The following KCNT1 variants were observed in gnomAD, a reference collection of about 807,000 sequenced individuals.
KCNT1 encodes potassium channel subfamily T member 1.
In KCNT1, 78 loss-of-function variants were observed where a neutral mutation model predicts 147.8. That is an observed-to-expected ratio of 0.53 (90% CI 0.44 to 0.64). The LOEUF (loss-of-function observed/expected upper bound fraction) is 0.64. Among genes scored for constraint, KCNT1 ranks in the 30% least tolerant of loss-of-function variants. The probability of loss-of-function intolerance (pLI) is 0.00; values close to 1 mark genes in which losing one functional copy is unlikely to be tolerated. For synonymous variants in KCNT1, 867 were observed against 748.8 expected, an observed-to-expected ratio of 1.16 and a Z score of -2.58; for missense variants, 1,419 against 1,750.3, an observed-to-expected ratio of 0.81 and a Z score of 3.38.
intron 21 of KCNT1, among the ~76,000 whole-genome samples, chr9:135,778,025 G>A (rs958101894): frequency 7.2e-6 from 1 of 138,452 alleles, no homozygotes; most frequent in Non-Finnish European, 1.6e-5. Context: ...TCCCACTCTG[G>A]TCCTCTCTCC....
At chr9:135,762,634 C>T (rs1831993118) in intron 11 of KCNT1, among the ~76,000 whole-genome samples, 1 of 152,106 alleles carries the variant, frequency 6.6e-6, no homozygotes, top group African/African-American at 2.4e-5. Flanking sequence ...GCTGTAGTCC[C>T]AGCTCCTCGG....
intron 18 of KCNT1, 104 bp downstream of exon 18, chr9:135,771,199 C>A: frequency 9.3e-7 from 1 of 1,080,662 alleles, no homozygotes; most frequent in Non-Finnish European, 1.3e-6. Context: ...CCAGGCAGGA[C>A]AGGGGGAGGT....
At chr9:135,705,227 C>T (rs764977925) in intron 1 of KCNT1, among the ~76,000 whole-genome samples, 25 of 152,184 alleles carry the variant, frequency 1.6e-4, no homozygotes, top group Non-Finnish European at 1.6e-4. Flanking sequence ...GCTTTTTGTC[C>T]TGCTTCCCCG....
rs145386249 is a variant in KCNT1, at chr9:135,775,740, C to CA, written c.2349+325_2349+326insA. 0.036 allele frequency among the ~76,000 whole-genome samples: 5,449 copies of CA among 152,260 alleles called. 138 individuals are homozygous for CA. Among genetic ancestry groups the CA allele is most frequent in the Middle Eastern group, 0.11 (31 of 294 alleles). The stretch of plus-strand genomic sequence containing the variant: ...CGTTCCCAAAGATCAAGAACCATCT[C>CA]GTAACTACAGCTCATTAGGACAGGG... On this transcript the variant is annotated intron_variant, in intron 20 of 30. Coordinates refer to ENST00000371757, the MANE Select transcript of KCNT1 (RefSeq NM_020822.3).
chr9:135,743,074 G>A (rs1830646792), intron 2 of KCNT1, among the ~76,000 whole-genome samples: 1 of 152,294 alleles, frequency 6.6e-6, no homozygotes, highest in Middle Eastern at 3.4e-3. Flanking sequence ...AGCCTCAGGA[G>A]AGGCGGATGG....
chr9:135,704,476 GC>G (rs1195218110), intron 1 of KCNT1, among the ~76,000 whole-genome samples: 5 of 152,104 alleles, frequency 3.3e-5, no homozygotes, highest in African/African-American at 1.2e-4. Flanking sequence ...TGGCCTCCAG[GC>G]TCCCTGCTCC....
At chr9:135,723,655 A>T (rs1473999089) in intron 2 of KCNT1, among the ~76,000 whole-genome samples, 2 of 152,284 alleles carry the variant, frequency 1.3e-5, no homozygotes, top group East Asian at 3.9e-4. Context: ...TGTCAGTAGG[A>T]AGGGGGCCCT....
intron 23 of KCNT1, among the ~76,000 whole-genome samples, chr9:135,779,082 C>T (rs1299607378): frequency 1.4e-5 from 2 of 143,824 alleles, no homozygotes; most frequent in Non-Finnish European, 3.1e-5. Context: ...CCCCCACAGC[C>T]ATGGACTCTG....
In KCNT1 at chr9:135,770,143, G is replaced by A. The variant is rs578015246; in HGVS notation, c.1619+88G>A. The A allele has an allele frequency of 2.1e-5, 29 of 1,397,170 alleles. No individual in the cohort carries two copies. In the African/African-American group the frequency reaches 3.0e-4, roughly 14 times the overall value. The allele number at this position is 1,397,170 out of a possible 1,614,324, so 86.5% of individuals were successfully genotyped here. On this transcript the variant is annotated intron_variant, in intron 16 of 30. Transcript: ENST00000371757. ...AGGGCCTGCTTGGGGGCGGGGATGG[G>A]CTTCCCAGAGGAGGGGCACATGGCG... is the stretch of plus-strand genomic sequence containing the variant.
chr9:135,791,480 G>A (rs2131602874), intron 29 of KCNT1: 2 of 359,980 alleles, frequency 5.6e-6, no homozygotes, highest in African/African-American at 2.1e-5. Flanking sequence ...GGTGTGCGCT[G>A]GTGTGTGCAG....
chr9:135,731,130 G>A (rs1216662092), intron 2 of KCNT1, among the ~76,000 whole-genome samples: 1 of 152,000 alleles, frequency 6.6e-6, no homozygotes, highest in Admixed American at 6.6e-5. Context: ...TGGCCAATGG[G>A]AGCCCTTCCC....
chr9:135,784,105 T>G lies in KCNT1; in HGVS notation c.2923T>G (p.Leu975Val), dbSNP rs750160947. Residue 975 changes from leucine (L) to valine (V), a missense_variant, in exon 25 of 31, where the codon TTG becomes GTG. This residue lies in a region of KCNT1 where 247 missense variants were observed against 397.1 expected (regional missense o/e 0.62). Coordinates refer to ENST00000371757, the MANE Select transcript of KCNT1 (RefSeq NM_020822.3). The part of the protein sequence containing the change: ...AAGRVFSISM[L>V]DTLLYQSFVK... The stretch of plus-strand genomic sequence containing the variant: ...CGGCCGCGTCTTCAGCATCAGCATG[T>G]TGGACACACTGCTCTACCAGGTCAG... 6.2e-7 allele frequency: 1 copy of G among 1,604,758 alleles called. No individual in the cohort carries two copies. The highest frequency in any genetic ancestry group is 8.5e-7 in the Non-Finnish European group (1 of 1,179,896).
intron 2 of KCNT1, among the ~76,000 whole-genome samples, chr9:135,723,796 A>AC (rs756608254): frequency 3.3e-5 from 5 of 151,982 alleles, no homozygotes; most frequent in Non-Finnish European, 5.9e-5. Flanking sequence ...GTGCCAGGCC[A>AC]CCCCTCGGGG....
chr9:135,737,479 G>A (rs1369917602), intron 2 of KCNT1, among the ~76,000 whole-genome samples: 5 of 152,192 alleles, frequency 3.3e-5, no homozygotes, highest in Non-Finnish European at 5.9e-5. Flanking sequence ...TGCTGCGGGG[G>A]AAATGAGGAT....
chr9:135,780,073 C>T (rs1281768239), intron 24 of KCNT1, among the ~76,000 whole-genome samples: 1 of 152,236 alleles, frequency 6.6e-6, no homozygotes, highest in East Asian at 1.9e-4. Flanking sequence ...GGGCACCACC[C>T]AGGGTCAGGT....
rs1284716775 is a variant in KCNT1, at chr9:135,768,971, C to T, written c.1510+34C>T. On this transcript the variant is annotated intron_variant, in intron 15 of 30. Transcript: ENST00000371757. ...GGGGCACACGTGGGTGATGGTGTAT[C>T]TGGGGCAGGGCACGTGTGCACACGT... The T allele has an allele frequency of 2.0e-6, 3 of 1,536,994 alleles. No individual in the cohort carries two copies. In the Admixed American group the frequency reaches 5.2e-5, roughly 27 times the overall value.
In KCNT1 at chr9:135,704,333, C is replaced by T. The variant is rs1384749082; in HGVS notation, c.110+1965C>T. On this transcript the variant is annotated intron_variant, in intron 1 of 30. Transcript: ENST00000371757. The stretch of plus-strand genomic sequence containing the variant: ...GGTGCTTGGACACCCCACCCCACTC[C>T]AGTGCCCCAGCTCAAACCCCCAGCT... 2.0e-5 allele frequency among the ~76,000 whole-genome samples: 3 copies of T among 152,348 alleles called. No homozygotes were observed. The South Asian group carries it at 6.2e-4, about 32-fold the overall frequency.
In KCNT1 at chr9:135,792,681, C is replaced by T. The variant is rs1273501247; in HGVS notation, c.*520C>T. Reference sequence around the variant, plus strand: ...GCACTCTGGGGTGGGTGAGGGGGACCCTGGGCTGTTTGCTGTCCCAAGCCC... The same window carrying T: ...GCACTCTGGGGTGGGTGAGGGGGACTCTGGGCTGTTTGCTGTCCCAAGCCC... On this transcript the variant is annotated 3_prime_UTR_variant, in exon 31 of 31. Transcript: ENST00000371757. 6.5e-6 allele frequency: 1 copy of T among 152,746 alleles called. No individual in the cohort carries two copies. The highest frequency in any genetic ancestry group is 1.5e-5 in the Non-Finnish European group (1 of 68,454). 9.5% of individuals were successfully genotyped at this position (152,746 alleles called of 1,614,324 possible).
chr9:135,711,097 GC>G (rs1333386368), intron 1 of KCNT1, among the ~76,000 whole-genome samples: 1 of 152,218 alleles, frequency 6.6e-6, no homozygotes, highest in East Asian at 1.9e-4. Context: ...AAGCAATCAT[GC>G]CAACTCCAAA....
Sources: gnomAD v4.1 joint callset for allele counts (sites outside exome capture counted in the v4.1 genomes callset) on GRCh38, gnomAD v4.1.1 for gene constraint, gnomAD v4.1.1 regional missense constraint, MANE v1.5 for transcripts, NCBI Gene and HGNC (gene_info 2026-07-23, HGNC 2026-07-21) for gene names.